Variants in TRHDE observed in about 807,000 individuals in gnomAD.
The protein encoded by TRHDE is thyrotropin releasing hormone degrading enzyme, also known as thyrotropin-releasing hormone-degrading ectoenzyme.
A neutral mutation model predicts 125.7 loss-of-function variants in TRHDE; 72 were observed. The ratio of observed to expected loss-of-function variants is 0.57; its 90% CI spans 0.47 to 0.70. TRHDE has a LOEUF of 0.70. Among genes scored for constraint, TRHDE ranks in the 30% least tolerant of loss-of-function variants. TRHDE has a pLI of 0.00. For synonymous variants in TRHDE, 509 were observed against 509.1 expected (o/e 1.00, Z 0.00); for missense variants, 1,110 against 1,327.1 (o/e 0.84, Z 2.54).
At chr12:72,523,067 A>T (rs868746314) in intron 6 of TRHDE, among the ~76,000 whole-genome samples, 9 of 152,036 alleles carry the variant, frequency 5.9e-5, no homozygotes, top group African/African-American at 2.2e-4. Flanking sequence ...AATGTCTCTT[A>T]TCAGTGACCC....
rs572708312 is a variant in TRHDE at position 72,108,768 on chromosome 12, G to T, written n.279+3016G>T. On this transcript the variant is annotated intron_variant and non_coding_transcript_variant, in intron 2 of 4. Coordinates refer to the TRHDE transcript ENST00000548156. The stretch of plus-strand genomic sequence containing the variant: ...CGGGAACATAAAACAAAATTTGACA[G>T]TATGAGAAGGGAACTGGCAACAATA... Among the ~76,000 whole-genome samples the T allele has an allele frequency of 7.2e-5, 11 of 152,186 alleles. No homozygotes were observed. In the East Asian group the frequency reaches 2.1e-3, roughly 29 times the overall value.
chr12:72,259,337 C>G (rs1388723734), intron 2 of TRHDE, among the ~76,000 whole-genome samples: 1 of 152,088 alleles, frequency 6.6e-6, no homozygotes, highest in East Asian at 1.9e-4. Context: ...CAAGGTGGCT[C>G]CTGGATCCTT....
chr12:72,591,212 A>G (rs892821892), intron 12 of TRHDE, among the ~76,000 whole-genome samples: 1 of 152,228 alleles, frequency 6.6e-6, no homozygotes. Context: ...TCCCTCCAAC[A>G]ACATGAGGAT....
chr12:72,492,902 C>T (rs1877746411), intron 5 of TRHDE, among the ~76,000 whole-genome samples: 1 of 151,856 alleles, frequency 6.6e-6, no homozygotes, highest in Admixed American at 6.6e-5. Flanking sequence ...TCATAACATT[C>T]TCTCTACTTT....
In TRHDE at chr12:72,529,244, G is replaced by A. The variant is rs576975714; in HGVS notation, c.1723-13047G>A. Reference sequence around the variant, plus strand: ...GTTAGCAATTTTCCCAGAGACTCCTGTTGGTTATTTTTAAATAAAAATCTC... The same window carrying A: ...GTTAGCAATTTTCCCAGAGACTCCTATTGGTTATTTTTAAATAAAAATCTC... On this transcript the variant is annotated intron_variant, in intron 6 of 18. Coordinates refer to ENST00000261180, the MANE Select transcript of TRHDE (RefSeq NM_013381.3). Among the ~76,000 whole-genome samples, 5 of 152,156 alleles carry A rather than the reference G, an allele frequency of 3.3e-5. No homozygotes were observed. The East Asian group carries it at 9.7e-4, about 29-fold the overall frequency.
chr12:72,235,112 T>A (rs1001549707), intron 2 of TRHDE, among the ~76,000 whole-genome samples: 9 of 152,088 alleles, frequency 5.9e-5, no homozygotes, highest in Non-Finnish European at 1.0e-4. Context: ...TTAAGTATTA[T>A]GTAACACGAA....
At chr12:72,123,014 C>A (rs764148962) in intron 2 of TRHDE, among the ~76,000 whole-genome samples, 48 of 152,128 alleles carry the variant, frequency 3.2e-4, no homozygotes, top group Non-Finnish European at 5.7e-4. Context: ...GTCCTAATCC[C>A]TGGTTGCAAC....
chr12:72,109,689 G>A (rs1354213720), intron 2 of TRHDE, among the ~76,000 whole-genome samples: 3 of 152,060 alleles, frequency 2.0e-5, no homozygotes, highest in Non-Finnish European at 2.9e-5. Context: ...TTCTAGGGGA[G>A]ATATTTTCCC....
chr12:72,451,272 T>C (rs1043257324), intron 3 of TRHDE, among the ~76,000 whole-genome samples: 4 of 152,194 alleles, frequency 2.6e-5, no homozygotes, highest in Admixed American at 2.6e-4. Context: ...TATGTTTATA[T>C]CTTTAACCCA....
At chr12:72,250,610 C>G (rs531500097) in intron 2 of TRHDE, among the ~76,000 whole-genome samples, 4 of 152,014 alleles carry the variant, frequency 2.6e-5, no homozygotes, top group Admixed American at 2.6e-4. Flanking sequence ...TGCAAACAGA[C>G]TCTTACTGGA....
chr12:72,634,748 G>A (rs1165027039), intron 15 of TRHDE, among the ~76,000 whole-genome samples: 50 of 148,786 alleles, frequency 3.4e-4, no homozygotes, highest in African/African-American at 7.4e-4. Flanking sequence ...GAGAATATGC[G>A]GTGTTTGGTT....
At chr12:72,240,022 T>C (rs1338801096) in intron 2 of TRHDE, among the ~76,000 whole-genome samples, 1 of 152,194 alleles carries the variant, frequency 6.6e-6, no homozygotes, top group Non-Finnish European at 1.5e-5. Context: ...TACTTTTGCG[T>C]GTGTTCTGTT....
At chr12:72,556,801 A>T (rs372819903) in intron 7 of TRHDE, among the ~76,000 whole-genome samples, 1 of 152,200 alleles carries the variant, frequency 6.6e-6, no homozygotes, top group Non-Finnish European at 1.5e-5. Flanking sequence ...CAATATTTCA[A>T]ACTCTTGCTT....
At chr12:72,188,205 T>A (rs988339139) in intron 2 of TRHDE, among the ~76,000 whole-genome samples, 7 of 152,232 alleles carry the variant, frequency 4.6e-5, no homozygotes, top group Non-Finnish European at 7.3e-5. Flanking sequence ...AAAGTTATTA[T>A]GATTTGGGGG....
At chr12:72,188,582 C>A (rs1259210144) in intron 2 of TRHDE, among the ~76,000 whole-genome samples, 1 of 152,116 alleles carries the variant, frequency 6.6e-6, no homozygotes, top group Admixed American at 6.5e-5. Flanking sequence ...GACTATTGGG[C>A]CCTCTGGTGA....
chr12:72,495,453 C>A (rs1315210138), intron 5 of TRHDE, among the ~76,000 whole-genome samples: 2 of 152,064 alleles, frequency 1.3e-5, no homozygotes, highest in Non-Finnish European at 2.9e-5. Flanking sequence ...CCTTTTTTAG[C>A]TGTTTCCCCC....
intron 3 of TRHDE, among the ~76,000 whole-genome samples, chr12:72,435,497 C>G (rs1298598906): frequency 6.6e-6 from 1 of 151,950 alleles, no homozygotes; most frequent in African/African-American, 2.4e-5. Flanking sequence ...AGGTTTGTTA[C>G]ATGTTTGATT....
At chr12:72,097,605 A>G (rs944828103) in intron 1 of TRHDE, among the ~76,000 whole-genome samples, 2 of 151,982 alleles carry the variant, frequency 1.3e-5, no homozygotes, top group Admixed American at 1.3e-4. Context: ...GTGTATCACC[A>G]TGCCTGGCTA....
At chr12:72,494,468 T>C (rs1361284026) in intron 5 of TRHDE, among the ~76,000 whole-genome samples, 1 of 152,094 alleles carries the variant, frequency 6.6e-6, no homozygotes, top group African/African-American at 2.4e-5. Flanking sequence ...GATTATTCTA[T>C]GATTTTTTTG....
Sources: gnomAD v4.1 joint callset for allele counts (sites outside exome capture counted in the v4.1 genomes callset) on GRCh38, gnomAD v4.1.1 for gene constraint, MANE v1.5 for transcripts, NCBI Gene and HGNC (gene_info 2026-07-23, HGNC 2026-07-21) for gene names.